Variants in SLCO3A1 observed in about 807,000 individuals in gnomAD.
The protein encoded by SLCO3A1 is PGE1 transporter.
A neutral mutation model predicts 63.1 loss-of-function variants in SLCO3A1; 27 were observed. The ratio of observed to expected loss-of-function variants is 0.43; its 90% CI spans 0.32 to 0.59. The LOEUF is 0.59. SLCO3A1 is among the 20% of genes least tolerant of loss of function. The probability of loss-of-function intolerance (pLI) is 0.09; values close to 1 mark genes in which losing one functional copy is unlikely to be tolerated. For missense variants in SLCO3A1, 773 were observed against 945.8 expected, an observed-to-expected ratio of 0.82 and a Z score of 2.40; for synonymous variants, 473 against 409.9, an observed-to-expected ratio of 1.15 and a Z score of -1.86.
chr15:91,863,820 C>T lies in SLCO3A1; in HGVS notation c.180+9732C>T, dbSNP rs547378815. On this transcript the variant is annotated intron_variant, in intron 1 of 9. Coordinates refer to ENST00000318445, the MANE Select transcript of SLCO3A1 (RefSeq NM_013272.4). This position sits in a 1 kb window ranked among gnomAD's most constrained non-coding sequence, Gnocchi z 4.3. ...ACTTATTGTGTGGCATGTCGTGTCG[C>T]CTCCCCAGTGCTGGTACATACTTTG... Among the ~76,000 whole-genome samples the T allele has an allele frequency of 6.6e-6, 1 of 152,276 alleles. No homozygotes were observed. Among genetic ancestry groups the T allele is most frequent in the South Asian group, 2.1e-4 (1 of 4,822 alleles).
Position 91,939,084 on chromosome 15 carries a change from A to G in SLCO3A1, c.646+22626A>G, listed in dbSNP as rs150578445. 7.9e-5 allele frequency among the ~76,000 whole-genome samples: 12 copies of G among 152,290 alleles called. No homozygotes were observed. In the East Asian group the frequency reaches 2.3e-3, roughly 29 times the overall value. ...ACCTGAGACTCAGTAATATATAAGAAAAGAGGTTTAATTGGCTTATGGTAT... is the reference window on the plus strand; with the variant it reads ...ACCTGAGACTCAGTAATATATAAGAGAAGAGGTTTAATTGGCTTATGGTAT... On this transcript the variant is annotated intron_variant, in intron 2 of 9. Transcript: ENST00000318445.
intron 2 of SLCO3A1, among the ~76,000 whole-genome samples, chr15:92,002,265 A>G (rs2046264733): frequency 6.6e-6 from 1 of 152,148 alleles, no homozygotes; most frequent in Non-Finnish European, 1.5e-5. Context: ...ATAAGCAGCC[A>G]GGGCCCTGTT....
rs2047920076 is a variant in SLCO3A1, at chr15:92,126,176, G to A, written c.1290G>A (p.Val430=). The change falls in exon 6 of 10, where the codon GTG becomes GTA. Residue 430 remains valine, a synonymous_variant. Coordinates refer to ENST00000318445, the MANE Select transcript of SLCO3A1 (RefSeq NM_013272.4). ...AIRMAMLVNL[V]STACYVSFLF... ...GGATGGCCATGCTCGTCAACCTGGTGTCCACTGCTTGCTACGTCTCCTTCC... is the reference window on the plus strand; with the variant it reads ...GGATGGCCATGCTCGTCAACCTGGTATCCACTGCTTGCTACGTCTCCTTCC... 6.2e-7 allele frequency: 1 copy of A among 1,613,888 alleles called. No homozygotes were observed. Among genetic ancestry groups the A allele is most frequent in the African/African-American group, 1.3e-5 (1 of 74,844 alleles).
At chr15:91,952,036 C>T (rs1444871922) in intron 2 of SLCO3A1, among the ~76,000 whole-genome samples, 2 of 152,130 alleles carry the variant, frequency 1.3e-5, no homozygotes, top group African/African-American at 2.4e-5. Flanking sequence ...CACAGCCTCG[C>T]CAACACTTAT....
Position 92,165,028 on chromosome 15 carries a change from G to GAAAGA in SLCO3A1, c.*1895_*1896insAGAAA. On this transcript the variant is annotated 3_prime_UTR_variant, in exon 10 of 10. Coordinates refer to ENST00000318445, the MANE Select transcript of SLCO3A1 (RefSeq NM_013272.4). ...CATTTTACCCACAAGGCAAACAAAA[G>GAAAGA]AATCAGGAAGTAAAAAATGGTTGGG... 1.0e-6 allele frequency: 1 copy of GAAAGA among 985,372 alleles called. No individual in the cohort carries two copies. Among genetic ancestry groups the GAAAGA allele is most frequent in the South Asian group, 4.7e-5 (1 of 21,286 alleles). 61.0% of individuals were successfully genotyped at this position (985,372 alleles called of 1,614,324 possible). A position where few individuals can be genotyped will look rare whatever the true frequency, so the allele number is the denominator to read the frequency against.
intron 1 of SLCO3A1, among the ~76,000 whole-genome samples, chr15:91,867,688 G>C (rs574939850): frequency 6.6e-6 from 1 of 152,234 alleles, no homozygotes. Flanking sequence ...TTCCCCTCCT[G>C]TTCTCCTTGG....
chr15:92,136,934 T>C (rs576157733), intron 7 of SLCO3A1, among the ~76,000 whole-genome samples: 6 of 152,100 alleles, frequency 3.9e-5, no homozygotes, highest in African/African-American at 1.4e-4. Flanking sequence ...TTTATGGCTA[T>C]ATAGTATTCC....
intron 2 of SLCO3A1, among the ~76,000 whole-genome samples, chr15:92,076,894 G>C (rs1490375579): frequency 6.6e-6 from 1 of 152,206 alleles, no homozygotes; most frequent in Non-Finnish European, 1.5e-5. Flanking sequence ...GAGTGTATTA[G>C]TCCATTCTCA....
intron 2 of SLCO3A1, among the ~76,000 whole-genome samples, chr15:92,090,526 GT>G (rs1223175316): frequency 6.6e-6 from 1 of 152,206 alleles, no homozygotes; most frequent in Non-Finnish European, 1.5e-5. Flanking sequence ...TGGCAACCCA[GT>G]GTGCCAATGT....
At chr15:92,116,407 G>T (rs1292171644) in intron 4 of SLCO3A1, among the ~76,000 whole-genome samples, 1 of 152,130 alleles carries the variant, frequency 6.6e-6, no homozygotes, top group African/African-American at 2.4e-5. Context: ...CATCTTGCTG[G>T]TGACAGTACC....
chr15:91,869,095 C>T (rs1333787422), intron 1 of SLCO3A1, among the ~76,000 whole-genome samples: 1 of 152,162 alleles, frequency 6.6e-6, no homozygotes, highest in Admixed American at 6.5e-5. Flanking sequence ...CACTCTAGCC[C>T]CTTCTAATTA....
Position 92,019,979 on chromosome 15 carries a change from G to T in SLCO3A1, c.647-74902G>T, listed in dbSNP as rs752676711. Among the ~76,000 whole-genome samples, 20 of 152,164 alleles carry T rather than the reference G, an allele frequency of 1.3e-4. 1 individual carries two copies. The highest frequency in any genetic ancestry group is 1.3e-3 in the Admixed American group (20 of 15,270). On this transcript the variant is annotated intron_variant, in intron 2 of 9. Transcript: ENST00000318445. ...AAGCCCAAGGCTCGTGGAACCATGT[G>T]GGGGAAGCGACATGGATACAGAGCC... is the stretch of plus-strand genomic sequence containing the variant.
chr15:91,866,008 T>C (rs760155266), intron 1 of SLCO3A1, among the ~76,000 whole-genome samples: 1 of 152,130 alleles, frequency 6.6e-6, no homozygotes, highest in Non-Finnish European at 1.5e-5. Flanking sequence ...AAAGATATCA[T>C]TTCAATCTTC....
Position 92,164,452 on chromosome 15 carries a change from C to CG in SLCO3A1, c.*1320dup. 1 of 985,396 alleles carries CG rather than the reference C, an allele frequency of 1.0e-6. No homozygotes were observed. Among genetic ancestry groups the CG allele is most frequent in the East Asian group, 1.1e-4 (1 of 8,814 alleles). The allele number at this position is 985,396 out of a possible 1,614,324, so 61.0% of individuals were successfully genotyped here. A position where few individuals can be genotyped will look rare whatever the true frequency, so the allele number is the denominator to read the frequency against. ...CCCCATGATTCAGTGATCACTGTCA[C>CG]GGGAAACCCTTTTATATTCATGCTT... On this transcript the variant is annotated 3_prime_UTR_variant, in exon 10 of 10. Coordinates refer to ENST00000318445, the MANE Select transcript of SLCO3A1 (RefSeq NM_013272.4).
chr15:92,034,461 A>G (rs572061909), intron 2 of SLCO3A1, among the ~76,000 whole-genome samples: 1 of 151,620 alleles, frequency 6.6e-6, no homozygotes, highest in South Asian at 2.1e-4. Context: ...TCATCGGGGT[A>G]GAGATGGTAC....
chr15:92,104,241 T>G (rs1300546542), intron 3 of SLCO3A1, 38 bp from the exon 4 acceptor site: 2 of 1,607,000 alleles, frequency 1.2e-6, no homozygotes, highest in Admixed American at 1.7e-5. Context: ...TGGTCCAGCC[T>G]TCTTTTCTCC....
At chr15:91,919,637 C>T (rs761006272) in intron 2 of SLCO3A1, among the ~76,000 whole-genome samples, 1 of 152,164 alleles carries the variant, frequency 6.6e-6, no homozygotes, top group Non-Finnish European at 1.5e-5. Context: ...TCCATTAGCC[C>T]AGTTTTCTTA....
chr15:91,996,083 A>G (rs2046188528), intron 2 of SLCO3A1, among the ~76,000 whole-genome samples: 1 of 152,166 alleles, frequency 6.6e-6, no homozygotes, highest in African/African-American at 2.4e-5. Flanking sequence ...AATTGCCCAT[A>G]TTTGCAGATA....
intron 3 of SLCO3A1, among the ~76,000 whole-genome samples, chr15:92,102,238 C>T (rs2047613959): frequency 6.6e-6 from 1 of 152,186 alleles, no homozygotes; most frequent in Non-Finnish European, 1.5e-5. Flanking sequence ...TATTCCTGTT[C>T]AGCTACCAGA....
Sources: allele counts gnomAD v4.1 joint callset (sites outside exome capture counted in the v4.1 genomes callset), GRCh38; gene constraint gnomAD v4.1.1; non-coding constraint Gnocchi (gnomAD v3.1); transcripts MANE v1.5; gene names NCBI Gene and HGNC (gene_info 2026-07-23, HGNC 2026-07-21).